Variants in DENND2B observed in about 807,000 individuals in gnomAD.
The protein encoded by DENND2B is DENN domain containing 2B, also known as DENN domain-containing protein 2B.
A neutral mutation model predicts 116.0 loss-of-function variants in DENND2B; 32 were observed. The observed-to-expected ratio is 0.28, with a 90% CI of 0.21 to 0.37. The LOEUF (loss-of-function observed/expected upper bound fraction) is 0.37, where lower values mean the gene tolerates loss of function less well. DENND2B is among the 10% of genes least tolerant of loss of function. DENND2B has a pLI of 1.00. For synonymous variants in DENND2B, 588 were observed against 583.9 expected, an observed-to-expected ratio of 1.01 and a Z score of -0.10; for missense variants, 1,276 against 1,477.7, an observed-to-expected ratio of 0.86 and a Z score of 2.24.
At chr11:8,818,262 C>CTAATAATAATAA (rs58590869) in intron 4 of DENND2B, among the ~76,000 whole-genome samples, 2 of 145,858 alleles carry the variant, frequency 1.4e-5, no homozygotes, top group African/African-American at 2.5e-5. Context: ...GACTCTGTCT[C>CTAATAATAATAA]TAATAATAAT....
intron 2 of DENND2B, among the ~76,000 whole-genome samples, chr11:8,742,670 C>T (rs1216587831): frequency 2.0e-5 from 3 of 152,312 alleles, no homozygotes; most frequent in Admixed American, 6.5e-5. Flanking sequence ...GGAGCTGTTT[C>T]GTTGTTAAAA....
intron 3 of DENND2B, among the ~76,000 whole-genome samples, chr11:8,843,500 A>C (rs1002203703): frequency 3.3e-5 from 5 of 152,166 alleles, no homozygotes; most frequent in East Asian, 1.9e-4. Context: ...ATTTGTAAAA[A>C]TGTCCAGAAG....
intron 2 of DENND2B, among the ~76,000 whole-genome samples, chr11:8,749,265 C>T (rs934862355): frequency 3.9e-5 from 6 of 152,200 alleles, no homozygotes; most frequent in South Asian, 2.1e-4. Flanking sequence ...TCAGTTTCTC[C>T]ACCTGCTTTG....
At chr11:8,758,088 C>T (rs906987028) in intron 1 of DENND2B, among the ~76,000 whole-genome samples, 1 of 152,152 alleles carries the variant, frequency 6.6e-6, no homozygotes, top group African/African-American at 2.4e-5. Context: ...GAACGGGAAT[C>T]TGTGGGGATG....
rs933586292 is a variant in DENND2B, at chr11:8,715,725, G to A, written c.1723C>T (p.His575Tyr). 3 of 1,614,230 alleles carry A rather than the reference G, an allele frequency of 1.9e-6. No homozygotes were observed. Among genetic ancestry groups the A allele is most frequent in the Non-Finnish European group, 2.5e-6 (3 of 1,180,034 alleles). ...RLPRLPKRHS[H>Y]DDMLLLAQLS... ...TGAGCCAGCAGCAGCATGTCGTCATGGCTGTGCCTCTTGGGTAATCGTGGC... is the reference window on the plus strand; with the variant it reads ...TGAGCCAGCAGCAGCATGTCGTCATAGCTGTGCCTCTTGGGTAATCGTGGC... Residue 575 changes from histidine to tyrosine, a missense_variant, in exon 6 of 20, where the codon CAT becomes TAT. By Grantham distance (83) the His-to-Tyr change is moderately conservative. This residue lies in a region of DENND2B where 856 missense variants were observed against 846.6 expected (regional missense o/e 1.01). Transcript: ENST00000313726.
At chr11:8,874,539 G>A (rs1335234589), upstream of DENND2B, among the ~76,000 whole-genome samples, 1 of 152,090 alleles carries the variant, frequency 6.6e-6, no homozygotes, top group African/African-American at 2.4e-5. Flanking sequence ...GATTTTCTAG[G>A]AAGATTTTCA....
rs142409365 is a variant in DENND2B, at chr11:8,723,986, AG to A, written c.1477+2086del. ...TGAAACCAATGGCTCAGATCAAATG[AG>A]GGAACAGATGGCCCTCTCTTCATAA... On this transcript the variant is annotated intron_variant, in intron 4 of 19. Transcript: ENST00000313726. 2.7e-3 allele frequency among the ~76,000 whole-genome samples: 409 copies of A among 152,348 alleles called. 1 individual carries two copies. The highest frequency in any genetic ancestry group is 9.5e-3 in the African/African-American group (396 of 41,580).
intron 4 of DENND2B, among the ~76,000 whole-genome samples, chr11:8,721,196 A>C (rs931314315): frequency 6.6e-6 from 1 of 151,888 alleles, no homozygotes; most frequent in Non-Finnish European, 1.5e-5. Context: ...TCAGAGCCCA[A>C]AGGTGTCACA....
At chr11:8,747,598 AC>A (rs980679895) in intron 2 of DENND2B, among the ~76,000 whole-genome samples, 3 of 151,874 alleles carry the variant, frequency 2.0e-5, no homozygotes, top group Admixed American at 2.0e-4. Flanking sequence ...CCCACCCCAG[AC>A]CCCCAGAGTG....
chr11:8,819,289 G>A (rs756440424), intron 4 of DENND2B, among the ~76,000 whole-genome samples: 13 of 151,970 alleles, frequency 8.6e-5, no homozygotes, highest in Non-Finnish European at 1.3e-4. Flanking sequence ...GGCTACTTTC[G>A]ACACTGAGGT....
intron 18 of DENND2B, chr11:8,695,895 G>T (rs2040268887): frequency 2.8e-6 from 1 of 351,348 alleles, no homozygotes; most frequent in Non-Finnish European, 5.3e-6. Flanking sequence ...TATACTAAAT[G>T]GATAGTATTA....
At chr11:8,857,516 C>T (rs1198082805) in intron 2 of DENND2B, 1 of 152,246 alleles carries the variant, frequency 6.6e-6, no homozygotes, top group African/African-American at 2.4e-5. Flanking sequence ...TTCAAGATGA[C>T]ATTCAAGATC....
intron 1 of DENND2B, among the ~76,000 whole-genome samples, chr11:8,909,245 A>T (rs2064278041): frequency 6.6e-6 from 1 of 152,146 alleles, no homozygotes; most frequent in African/African-American, 2.4e-5. Flanking sequence ...ACATTTAAAA[A>T]ATTTGCAGGG....
At chr11:8,909,265 T>C (rs976309594) in intron 1 of DENND2B, among the ~76,000 whole-genome samples, 1 of 152,128 alleles carries the variant, frequency 6.6e-6, no homozygotes, top group African/African-American at 2.4e-5. Context: ...GCGTGGTGGC[T>C]GAAGAAGAGG....
intron 2 of DENND2B, among the ~76,000 whole-genome samples, chr11:8,745,498 G>A (rs553651533): frequency 6.6e-6 from 1 of 152,296 alleles, no homozygotes; most frequent in East Asian, 1.9e-4. Context: ...CAATCAGAGG[G>A]CAGACTGTAT....
At chr11:8,740,775 TCTA>T (rs144350079) in intron 2 of DENND2B, among the ~76,000 whole-genome samples, 5,470 of 152,318 alleles carry the variant, frequency 0.036, 156 homozygotes, top group African/African-American at 0.077. Context: ...CTCGGGCTTC[TCTA>T]CTAAGGGCCC....
chr11:8,890,355 G>A lies in DENND2B; in HGVS notation c.-255-9246C>T, dbSNP rs548294375. Reference sequence around the variant, plus strand: ...AGCACATCTCCCCCTCCAAAGGAACGAAGCTCCTCGCCAGCAACAGAACAA... The same window carrying A: ...AGCACATCTCCCCCTCCAAAGGAACAAAGCTCCTCGCCAGCAACAGAACAA... On this transcript the variant is annotated intron_variant, in intron 1 of 22. Coordinates refer to the DENND2B transcript ENST00000534127. Among the ~76,000 whole-genome samples, 4 of 152,334 alleles carry A rather than the reference G, an allele frequency of 2.6e-5. No homozygotes were observed. In the East Asian group the frequency reaches 5.8e-4, roughly 22 times the overall value.
At chr11:8,788,734 C>T (rs533067102) in intron 1 of DENND2B, among the ~76,000 whole-genome samples, 1 of 152,220 alleles carries the variant, frequency 6.6e-6, no homozygotes, top group Non-Finnish European at 1.5e-5. Context: ...CACACTTTTG[C>T]ACAAACCCTG....
chr11:8,803,425 T>A (rs2060529434), intron 1 of DENND2B, among the ~76,000 whole-genome samples: 1 of 152,146 alleles, frequency 6.6e-6, no homozygotes, highest in African/African-American at 2.4e-5. Context: ...GAACACTGAA[T>A]CCATGCCTTC....
Sources: allele counts gnomAD v4.1 joint callset (sites outside exome capture counted in the v4.1 genomes callset), GRCh38; gene constraint gnomAD v4.1.1; regional missense constraint gnomAD v4.1.1; transcripts MANE v1.5; gene names NCBI Gene and HGNC (gene_info 2026-07-23, HGNC 2026-07-21).